Variants in FAM133A observed in about 807,000 individuals in gnomAD.
FAM133A encodes the protein protein FAM133A.
For synonymous variants in FAM133A, 65 were observed against 58.6 expected (o/e 1.11, Z -0.50); for missense variants, 159 against 164.4 (o/e 0.97, Z 0.18).
At chrX:93,696,059 G>A (rs1478636124) in intron 2 of FAM133A, among the ~76,000 whole-genome samples, 3 of 111,825 alleles carry the variant, frequency 2.7e-5, no homozygotes, top group Non-Finnish European at 5.6e-5. Flanking sequence ...TCACTGCTGG[G>A]CAAAATTTCA....
intron 2 of FAM133A, among the ~76,000 whole-genome samples, chrX:93,695,866 G>C (rs1051628303): frequency 9.5e-6 from 1 of 105,792 alleles, no homozygotes; most frequent in African/African-American, 3.5e-5. Flanking sequence ...GGATGGTCTC[G>C]ATCTCCTGAC....
chrX:93,673,808 CT>C (rs1924478904), upstream of FAM133A, among the ~76,000 whole-genome samples: 1 of 107,918 alleles, frequency 9.3e-6, no homozygotes, highest in South Asian at 4.1e-4. Flanking sequence ...AGGTGTCCCC[CT>C]GCCCCCCAAA....
chrX:93,695,739 T>C (rs1322522478), intron 2 of FAM133A, among the ~76,000 whole-genome samples: 1 of 102,411 alleles, frequency 9.8e-6, no homozygotes, highest in African/African-American at 3.6e-5. Context: ...CCTCCCGGGT[T>C]CATGCCATTC....
chrX:93,703,071 C>T (rs922516060), intron 3 of FAM133A, among the ~76,000 whole-genome samples: 1 of 110,761 alleles, frequency 9.0e-6, no homozygotes, highest in Non-Finnish European at 1.9e-5. Context: ...TGCCTATAGT[C>T]TCAGCTACTC....
At chrX:93,683,765 A>T (rs1396655899) in intron 2 of FAM133A, among the ~76,000 whole-genome samples, 1 of 111,624 alleles carries the variant, frequency 9.0e-6, no homozygotes, top group Admixed American at 9.5e-5. Context: ...CTGATGATTA[A>T]TGATGTTGAA....
intron 2 of FAM133A, among the ~76,000 whole-genome samples, chrX:93,686,952 G>T (rs1430741599): frequency 8.9e-6 from 1 of 112,060 alleles, no homozygotes; most frequent in Non-Finnish European, 1.9e-5. Flanking sequence ...ATTTTCCTCT[G>T]CATGAGCCCT....
At chrX:93,695,106 CATCT>C (rs1052650221) in intron 2 of FAM133A, among the ~76,000 whole-genome samples, 1 of 111,446 alleles carries the variant, frequency 9.0e-6, no homozygotes, top group African/African-American at 3.3e-5. Flanking sequence ...TGACAACATC[CATCT>C]GTTTGCAGTT....
intron 3 of FAM133A, among the ~76,000 whole-genome samples, chrX:93,701,800 A>G (rs1926725312): frequency 8.9e-6 from 1 of 112,131 alleles, no homozygotes; most frequent in South Asian, 3.7e-4. Flanking sequence ...TATAGAAACT[A>G]TTGTTATTTA....
rs759228788 is a variant in FAM133A, at chrX:93,710,014, G to C, written c.595G>C (p.Asp199His). Residue 199 changes from aspartate to histidine, a missense_variant, in exon 4 of 4, where the codon GAT becomes CAT. Physicochemically the swap from Asp to His is moderately conservative, Grantham distance 81. Coordinates refer to ENST00000683942, the MANE Select transcript of FAM133A (RefSeq NM_001171109.2). Reference sequence around the variant, plus strand: ...ATCATCTGAGTCCTCATCTGAATCAGATTATGAAGAGGATGTGCAAGCAAA... The same window carrying C: ...ATCATCTGAGTCCTCATCTGAATCACATTATGAAGAGGATGTGCAAGCAAA... ...PLSSESSSESDYEEDVQAKKK... is the reference protein window; with the variant it reads ...PLSSESSSESHYEEDVQAKKK... 1.0e-5 allele frequency: 12 copies of C among 1,205,297 alleles called. No individual in the cohort carries two copies. In the South Asian group the frequency reaches 1.8e-4, roughly 18 times the overall value.
rs1310755184 is a variant in FAM133A at position 93,711,264 on chromosome X, C to T, written c.*1098C>T. On this transcript the variant is annotated 3_prime_UTR_variant, in exon 4 of 4. Transcript: ENST00000683942. ...GTTGAGTGCCAGACCTCTAGTACGC[C>T]GTATGTTACATGAAACTACTGCCAA... The T allele has an allele frequency of 8.2e-6, 1 of 121,981 alleles. No individual in the cohort carries two copies. The highest frequency in any genetic ancestry group is 3.3e-5 in the African/African-American group (1 of 30,496). The allele number at this position is 121,981 out of a possible 1,213,427, so 10.1% of individuals were successfully genotyped here.
intron 2 of FAM133A, among the ~76,000 whole-genome samples, chrX:93,683,660 A>G (rs1454526565): frequency 9.0e-6 from 1 of 111,688 alleles, no homozygotes; most frequent in Non-Finnish European, 1.9e-5. Context: ...TTTTCTATGC[A>G]TCATCACCTG....
Position 93,708,613 on chromosome X carries a change from T to C in FAM133A, c.-103-704T>C, listed in dbSNP as rs1927204139. Among the ~76,000 whole-genome samples the C allele has an allele frequency of 1.8e-5, 2 of 111,930 alleles. 1 individual carries two copies. Among genetic ancestry groups the C allele is most frequent in the South Asian group, 7.4e-4 (2 of 2,703 alleles). On this transcript the variant is annotated intron_variant, in intron 3 of 3. Coordinates refer to ENST00000683942, the MANE Select transcript of FAM133A (RefSeq NM_001171109.2). ...CTCTAAGCCTCAGTTTATCTATCTG[T>C]GAAATAGAGACAATGATAGGATCAA...
At chrX:93,693,272 A>C (rs894246337) in intron 2 of FAM133A, among the ~76,000 whole-genome samples, 10 of 110,991 alleles carry the variant, frequency 9.0e-5, no homozygotes, top group Non-Finnish European at 1.7e-4. Context: ...AATAAATAAT[A>C]TGTATGCAAG....
At chrX:93,681,177 A>C (rs761766743) in intron 2 of FAM133A, among the ~76,000 whole-genome samples, 36 of 110,974 alleles carry the variant, frequency 3.2e-4, no homozygotes, top group African/African-American at 9.8e-4. Context: ...TAAAGGAAGA[A>C]AAAATCCAAA....
At chrX:93,673,824 C>A (rs187061220), upstream of FAM133A, among the ~76,000 whole-genome samples, 581 of 106,903 alleles carry the variant, frequency 5.4e-3, 6 homozygotes, top group African/African-American at 0.019. Context: ...CCCAAAAAGT[C>A]TATATTTATA....
chrX:93,706,986 A>G (rs1927082288), intron 3 of FAM133A, among the ~76,000 whole-genome samples: 1 of 112,004 alleles, frequency 8.9e-6, no homozygotes, highest in South Asian at 3.7e-4. Context: ...CGTTAGCTTC[A>G]CTGTAAATCC....
chrX:93,705,330 T>G (rs1243673172), intron 3 of FAM133A, among the ~76,000 whole-genome samples: 1 of 112,037 alleles, frequency 8.9e-6, no homozygotes, highest in Admixed American at 9.5e-5. Flanking sequence ...AAGTTACTCT[T>G]TGTTCTATAA....
chrX:93,701,266 A>C (rs1006001643), intron 3 of FAM133A, among the ~76,000 whole-genome samples: 1 of 111,872 alleles, frequency 8.9e-6, no homozygotes, highest in Non-Finnish European at 1.9e-5. Context: ...TTTCATTTGC[A>C]TACTGGTCAA....
intron 3 of FAM133A, among the ~76,000 whole-genome samples, chrX:93,699,890 T>G (rs1386107744): frequency 9.0e-6 from 1 of 111,092 alleles, no homozygotes; most frequent in Non-Finnish European, 1.9e-5. Flanking sequence ...CCCCCCAGTT[T>G]TTAGCAGTTT....
Sources: gnomAD v4.1 joint callset for allele counts (sites outside exome capture counted in the v4.1 genomes callset) on GRCh38, gnomAD v4.1.1 for gene constraint, MANE v1.5 for transcripts, NCBI Gene and HGNC (gene_info 2026-07-23, HGNC 2026-07-21) for gene names.